The following BLTP3A variants were observed in gnomAD, a reference collection of about 807,000 sequenced individuals.
BLTP3A encodes the protein ICBP90 binding protein 1.
the BLTP3A span, among the ~76,000 whole-genome samples, chr6:34,808,277 C>T: frequency 8.0e-6 from 1 of 125,612 alleles, no homozygotes; most frequent in African/African-American, 3.1e-5. Context: ...ATCTGGGAGG[C>T]GGAGGTTGCA....
At chr6:34,824,362 G>A in the BLTP3A span, among the ~76,000 whole-genome samples, 2 of 151,682 alleles carry the variant, frequency 1.3e-5, no homozygotes, top group African/African-American at 2.4e-5. Context: ...GTGAAACCCC[G>A]TTTCTACTAA....
At chr6:34,855,445 C>T in the BLTP3A span, among the ~76,000 whole-genome samples, 3 of 152,198 alleles carry the variant, frequency 2.0e-5, no homozygotes, top group African/African-American at 7.2e-5. Flanking sequence ...GATATTGTAA[C>T]TCAAAAGAGG....
At chr6:34,876,731 T>G in the BLTP3A span, 3 of 152,148 alleles carry the variant, frequency 2.0e-5, no homozygotes, top group Non-Finnish European at 4.4e-5. Context: ...CACTAAGGCC[T>G]TTACCTAGTT....
At chr6:34,845,333 T>TTTTG in the BLTP3A span, among the ~76,000 whole-genome samples, 1,150 of 152,190 alleles carry the variant, frequency 7.6e-3, 21 homozygotes, top group African/African-American at 0.026. Flanking sequence ...GCTATTCTGT[T>TTTTG]TTTGTTTGTT....
the BLTP3A span, chr6:34,856,437 A>G: frequency 2.5e-6 from 4 of 1,606,138 alleles, no homozygotes; most frequent in Non-Finnish European, 3.4e-6. Context: ...GGAAGACTCC[A>G]GTTGCTTAGC....
At chr6:34,871,098 C>A in the BLTP3A span, 5 of 1,613,936 alleles carry the variant, frequency 3.1e-6, no homozygotes, top group Admixed American at 3.3e-5. Flanking sequence ...AGCTTCTGAA[C>A]TCCAGCATCA....
chr6:34,857,541 C>T, the BLTP3A span: 1,451 of 1,559,252 alleles, frequency 9.3e-4, 8 homozygotes, highest in African/African-American at 0.013. Context: ...GGGGCCACTA[C>T]GTATATTTTT....
At chr6:34,864,211 A>G in the BLTP3A span, 1 of 1,608,636 alleles carries the variant, frequency 6.2e-7, no homozygotes, top group Non-Finnish European at 8.5e-7. Context: ...ATGTGGGAGC[A>G]GAGCCAGGCA....
the BLTP3A span, chr6:34,871,472 T>C: frequency 3.9e-6 from 4 of 1,036,454 alleles, no homozygotes; most frequent in African/African-American, 6.3e-5. Flanking sequence ...CTTCCAAGAA[T>C]GTATGGACAA....
At chr6:34,821,439 T>A in the BLTP3A span, 6 of 406,952 alleles carry the variant, frequency 1.5e-5, no homozygotes, top group Non-Finnish European at 2.2e-5. Context: ...TGAGTGCATT[T>A]GTTCTGGCTG....
chr6:34,804,330 C>T, the BLTP3A span, among the ~76,000 whole-genome samples: 3 of 152,244 alleles, frequency 2.0e-5, no homozygotes, highest in South Asian at 4.2e-4. Flanking sequence ...ATTATTTAGG[C>T]AAACTTTATT....
the BLTP3A span, chr6:34,856,801 A>G: frequency 7.4e-6 from 12 of 1,612,960 alleles, no homozygotes; most frequent in Non-Finnish European, 1.0e-5. Flanking sequence ...TTCTCTTTCC[A>G]GTCCTCGAAA....
At chr6:34,824,844 T>G in the BLTP3A span, among the ~76,000 whole-genome samples, 7 of 151,836 alleles carry the variant, frequency 4.6e-5, no homozygotes, top group African/African-American at 1.7e-4. Context: ...CTGATTTTTG[T>G]ATTTTTAATA....
At chr6:34,855,529 G>A in the BLTP3A span, 1 of 1,487,814 alleles carries the variant, frequency 6.7e-7, no homozygotes, top group Non-Finnish European at 9.3e-7. Flanking sequence ...TTTGAAGCTG[G>A]TCGTTAAGAG....
At chr6:34,859,642 T>G in the BLTP3A span, 1 of 1,568,204 alleles carries the variant, frequency 6.4e-7, no homozygotes. Flanking sequence ...GTTTAAGGCC[T>G]CTTACTATGT....
chr6:34,829,776 A>C, the BLTP3A span, among the ~76,000 whole-genome samples: 1 of 151,768 alleles, frequency 6.6e-6, no homozygotes, highest in South Asian at 2.1e-4. Context: ...TTGGGAGTAC[A>C]GGTGTGTGCC....
the BLTP3A span, among the ~76,000 whole-genome samples, chr6:34,865,648 C>T: frequency 1.3e-5 from 2 of 152,214 alleles, no homozygotes; most frequent in Non-Finnish European, 2.9e-5. Context: ...TTTCCACCAA[C>T]AGGGTGCTAG....
the BLTP3A span, among the ~76,000 whole-genome samples, chr6:34,848,241 A>G: frequency 6.6e-6 from 1 of 151,148 alleles, no homozygotes; most frequent in Non-Finnish European, 1.5e-5. Flanking sequence ...CTGTGATTGC[A>G]CCAGTGCACT....
the BLTP3A span, chr6:34,857,960 G>A: frequency 6.3e-7 from 1 of 1,594,594 alleles, no homozygotes; most frequent in South Asian, 1.1e-5. Flanking sequence ...AGTAGCCACA[G>A]CTGCATTTTT....
Sources: allele counts gnomAD v4.1 joint callset (sites outside exome capture counted in the v4.1 genomes callset), GRCh38; gene constraint gnomAD v4.1.1; transcripts MANE v1.5; gene names NCBI Gene and HGNC (gene_info 2026-07-23, HGNC 2026-07-21).